SMIM23: variants seen among roughly 807,000 people sequenced by gnomAD.
The protein encoded by SMIM23 is CTB-78H18.1.
In SMIM23, 10 loss-of-function variants were observed where a neutral mutation model predicts 12.8. That is an observed-to-expected ratio of 0.78 (90% CI 0.48 to 1.32). The LOEUF (loss-of-function observed/expected upper bound fraction) is 1.32. Among genes scored for constraint, SMIM23 ranks in the 40% most tolerant of loss-of-function variants. The probability of loss-of-function intolerance (pLI) is 0.00; values close to 1 mark genes in which losing one functional copy is unlikely to be tolerated. For synonymous variants in SMIM23, 78 were observed against 80.1 expected (o/e 0.97, Z 0.14); for missense variants, 184 against 198.2 (o/e 0.93, Z 0.43).
rs534821354 is a variant in SMIM23 at position 171,790,616 on chromosome 5, G to C, written c.225+67G>C. Reference sequence around the variant, plus strand: ...AGGCTTTCCAGAGGAGGTGTCATTGGCAACATGGGTCATGAAAGATAAGTA... The same window carrying C: ...AGGCTTTCCAGAGGAGGTGTCATTGCCAACATGGGTCATGAAAGATAAGTA... On this transcript the variant is annotated intron_variant, in intron 3 of 3. Transcript: ENST00000523047. 4 of 1,458,002 alleles carry C rather than the reference G, an allele frequency of 2.7e-6. No homozygotes were observed. In the African/African-American group the frequency reaches 4.2e-5, roughly 15 times the overall value. The allele number at this position is 1,458,002 out of a possible 1,614,324, so 90.3% of individuals were successfully genotyped here.
At chr5:171,784,225 G>A (rs1755773553), upstream of SMIM23, among the ~76,000 whole-genome samples, 2 of 152,200 alleles carry the variant, frequency 1.3e-5, no homozygotes, top group Admixed American at 1.3e-4. Context: ...AGTGAAAACA[G>A]CCGGGTGCAG....
At chr5:171,788,385 G>A (rs7703218) in intron 1 of SMIM23, among the ~76,000 whole-genome samples, 20,917 of 151,816 alleles carry the variant, frequency 0.14, 3,871 homozygotes, top group African/African-American at 0.43. Flanking sequence ...ATTAAGAATT[G>A]GAAAACTTCT....
At chr5:171,788,333 C>T (rs1446538745) in intron 1 of SMIM23, among the ~76,000 whole-genome samples, 2 of 151,770 alleles carry the variant, frequency 1.3e-5, no homozygotes, top group Middle Eastern at 3.4e-3. Flanking sequence ...GTAAAGCAGA[C>T]AAACAATAAA....
At chr5:171,775,667 G>A in the SMIM23 span, among the ~76,000 whole-genome samples, 61 of 152,262 alleles carry the variant, frequency 4.0e-4, 1 homozygote, top group African/African-American at 1.4e-3. Context: ...TTTTCTATCT[G>A]TAAAGCAGAC....
the SMIM23 span, chr5:171,774,410 A>G: frequency 2.2e-6 from 1 of 456,210 alleles, no homozygotes; most frequent in Non-Finnish European, 4.4e-6. Context: ...GTTAGCAGAA[A>G]CAATATGGGA....
In SMIM23 at chr5:171,787,203, A is replaced by T. The variant is rs371072334; in HGVS notation, c.105+1227A>T. ...CCCAGTTAATTTTTGTATTTTTAGT[A>T]GAGACAGGGTTTCGCCATATTGGCC... On this transcript the variant is annotated intron_variant, in intron 1 of 3. Transcript: ENST00000523047. Among the ~76,000 whole-genome samples the T allele has an allele frequency of 1.1e-4, 16 of 151,840 alleles. No individual in the cohort carries two copies. In the East Asian group the frequency reaches 2.7e-3, roughly 26 times the overall value.
the SMIM23 span, chr5:171,774,383 G>A: frequency 1.8e-5 from 8 of 456,042 alleles, no homozygotes; most frequent in Admixed American, 7.1e-5. Flanking sequence ...AGGAGCCCAC[G>A]CAGGGTTACA....
At chr5:171,780,366 C>A (rs370875028), upstream of SMIM23, among the ~76,000 whole-genome samples, 2 of 152,082 alleles carry the variant, frequency 1.3e-5, no homozygotes, top group Non-Finnish European at 2.9e-5. Context: ...CTCTGCCAGT[C>A]CCCCGCCCAC....
At chr5:171,774,503 G>A in the SMIM23 span, 1 of 456,108 alleles carries the variant, frequency 2.2e-6, no homozygotes. Flanking sequence ...TGGCCGAGGG[G>A]ATCCTGGATT....
At chr5:171,782,693 CCAGA>C (rs1483405046), upstream of SMIM23, 4 of 152,236 alleles carry the variant, frequency 2.6e-5, no homozygotes, top group South Asian at 2.1e-4. Flanking sequence ...AATGTATTCA[CCAGA>C]CAAAGTTCCT....
At chr5:171,780,302 C>A (rs1329684543), upstream of SMIM23, among the ~76,000 whole-genome samples, 1 of 152,130 alleles carries the variant, frequency 6.6e-6, no homozygotes, top group Non-Finnish European at 1.5e-5. Flanking sequence ...CCTTTCTCAT[C>A]CTCTCCCTCT....
upstream of SMIM23, among the ~76,000 whole-genome samples, chr5:171,780,795 C>G (rs1755713843): frequency 6.6e-6 from 1 of 152,080 alleles, no homozygotes; most frequent in African/African-American, 2.4e-5. Context: ...TTTCCTTGGA[C>G]TGTCTTGGGT....
chr5:171,786,776 T>C (rs765500207), intron 1 of SMIM23, among the ~76,000 whole-genome samples: 3 of 152,128 alleles, frequency 2.0e-5, no homozygotes, highest in Non-Finnish European at 2.9e-5. Flanking sequence ...CTGCGGCTTT[T>C]CCTAAAAAGT....
chr5:171,776,667 A>C, the SMIM23 span, among the ~76,000 whole-genome samples: 4 of 152,260 alleles, frequency 2.6e-5, no homozygotes, highest in South Asian at 8.3e-4. Context: ...CTCAGATTCT[A>C]TCAGTCCTGA....
chr5:171,776,559 T>C, the SMIM23 span, among the ~76,000 whole-genome samples: 20,540 of 152,016 alleles, frequency 0.14, 1,627 homozygotes, highest in African/African-American at 0.21. Context: ...TCGAATGGCA[T>C]GGGAGATGCT....
At chr5:171,787,142 C>T (rs1281609819) in intron 1 of SMIM23, among the ~76,000 whole-genome samples, 1 of 151,282 alleles carries the variant, frequency 6.6e-6, no homozygotes, top group African/African-American at 2.4e-5. Flanking sequence ...GCCTCAGCCT[C>T]CCGAGCAGCT....
intron 1 of SMIM23, among the ~76,000 whole-genome samples, chr5:171,789,478 C>T (rs1341602679): frequency 6.6e-6 from 1 of 152,142 alleles, no homozygotes; most frequent in African/African-American, 2.4e-5. Flanking sequence ...TATGAGTGTT[C>T]ATAGCACTTT....
At chr5:171,780,853 T>C (rs1490201731), upstream of SMIM23, among the ~76,000 whole-genome samples, 2 of 152,098 alleles carry the variant, frequency 1.3e-5, no homozygotes. Context: ...GAAGGAGCAG[T>C]ATCCAACGGC....
intron 3 of SMIM23, 90 bp downstream of exon 3, chr5:171,790,639 G>C: frequency 1.4e-6 from 2 of 1,400,432 alleles, no homozygotes; most frequent in South Asian, 1.2e-5. Context: ...TGAAAGATAA[G>C]TAGTCGCTTG....
Sources: allele counts gnomAD v4.1 joint callset (sites outside exome capture counted in the v4.1 genomes callset), GRCh38; gene constraint gnomAD v4.1.1; transcripts MANE v1.5; gene names NCBI Gene and HGNC (gene_info 2026-07-23, HGNC 2026-07-21).